The following GLUD1 variants were observed in gnomAD, a reference collection of about 807,000 sequenced individuals.
GLUD1 encodes glutamate dehydrogenase 1, mitochondrial.
A neutral mutation model predicts 56.0 loss-of-function variants in GLUD1; 22 were observed. The observed-to-expected ratio is 0.39, with a 90% CI of 0.28 to 0.56. GLUD1 has a LOEUF of 0.56. GLUD1 is among the 20% of genes least tolerant of loss of function. The probability of loss-of-function intolerance (pLI) is 0.58; values close to 1 mark genes in which losing one functional copy is unlikely to be tolerated. For missense variants in GLUD1, 451 were observed against 732.0 expected (o/e 0.62, Z 4.43); for synonymous variants, 223 against 269.9 (o/e 0.83, Z 1.70).
chr10:87,086,408 A>T (rs972755734), intron 1 of GLUD1, among the ~76,000 whole-genome samples: 1 of 152,032 alleles, frequency 6.6e-6, no homozygotes, highest in African/African-American at 2.4e-5. Flanking sequence ...CTTTCTTCAA[A>T]ATGTTTTATC....
At chr10:87,074,129 TAGTA>T (rs1846316595) in intron 4 of GLUD1, among the ~76,000 whole-genome samples, 1 of 152,024 alleles carries the variant, frequency 6.6e-6, no homozygotes, top group African/African-American at 2.4e-5. Context: ...ACACAGATAA[TAGTA>T]AGATACAAAA....
At chr10:87,059,063 G>T in intron 10 of GLUD1, 87 bp downstream of exon 10, 1 of 1,432,826 alleles carries the variant, frequency 7.0e-7, no homozygotes, top group South Asian at 1.2e-5. Flanking sequence ...CTTTCCCAAA[G>T]GGATCAGTTC....
chr10:87,058,018 G>A (rs569774490), intron 10 of GLUD1, among the ~76,000 whole-genome samples: 465 of 152,126 alleles, frequency 3.1e-3, no homozygotes, highest in Middle Eastern at 0.017. Context: ...ACAGGTGCGC[G>A]CCACCACGCC....
At chr10:87,067,115 C>T (rs1003644035) in intron 5 of GLUD1, among the ~76,000 whole-genome samples, 2 of 152,264 alleles carry the variant, frequency 1.3e-5, no homozygotes, top group Non-Finnish European at 2.9e-5. Context: ...GCCAGCACAG[C>T]TGGACACTGC....
rs1314469288 is a variant in GLUD1, at chr10:87,057,795, A to T, written c.1403-13T>A. 2 of 1,304,862 alleles carry T rather than the reference A, an allele frequency of 1.5e-6. No individual in the cohort carries two copies. The highest frequency in any genetic ancestry group is 1.1e-6 in the Non-Finnish European group (1 of 898,122). The allele number at this position is 1,304,862 out of a possible 1,614,324, so 80.8% of individuals were successfully genotyped here. A position where few individuals can be genotyped will look rare whatever the true frequency, so the allele number is the denominator to read the frequency against. ...TCTTGAACAGACACTACAAAAAAAT[A>T]ACAAGAGATCAAGATATTGCTAACA... is the stretch of plus-strand genomic sequence containing the variant. On this transcript the variant is annotated splice_polypyrimidine_tract_variant and intron_variant, in intron 10 of 12. Transcript: ENST00000277865.
intron 1 of GLUD1, chr10:87,091,677 A>G (rs1234184628): frequency 2.1e-6 from 1 of 470,212 alleles, no homozygotes; most frequent in Non-Finnish European, 2.8e-6. Flanking sequence ...TTACTTGGAA[A>G]AAGTACACAT....
intron 1 of GLUD1, among the ~76,000 whole-genome samples, chr10:87,083,525 A>G (rs1841311007): frequency 6.6e-6 from 1 of 152,334 alleles, no homozygotes; most frequent in East Asian, 1.9e-4. Context: ...TGATCTGAAT[A>G]TTGTCACTTT....
At chr10:87,074,661 T>A (rs1846335738) in intron 3 of GLUD1, 47 bp from the exon 4 acceptor site, 1 of 1,039,424 alleles carries the variant, frequency 9.6e-7, no homozygotes, top group African/African-American at 1.6e-5. Flanking sequence ...GATATAAAAA[T>A]CGCTTGAGAT....
intron 5 of GLUD1, among the ~76,000 whole-genome samples, chr10:87,064,982 T>A (rs906593459): frequency 3.3e-5 from 5 of 152,126 alleles, no homozygotes; most frequent in African/African-American, 1.2e-4. Context: ...TCAGTTCACA[T>A]CTAGAAATGA....
chr10:87,071,614 A>G (rs757252407), intron 4 of GLUD1, among the ~76,000 whole-genome samples: 1 of 152,220 alleles, frequency 6.6e-6, no homozygotes, highest in Admixed American at 6.5e-5. Context: ...ACACAGAGAT[A>G]TAAGGGGATG....
intron 1 of GLUD1, chr10:87,092,543 C>A: frequency 1.6e-6 from 1 of 609,248 alleles, no homozygotes; most frequent in Non-Finnish European, 2.1e-6. Flanking sequence ...AATATTTTGG[C>A]ATTAAAACTG....
chr10:87,062,328 C>T lies in GLUD1; in HGVS notation c.921+328G>A, dbSNP rs979140002. On this transcript the variant is annotated intron_variant, in intron 6 of 12. Coordinates refer to ENST00000277865, the MANE Select transcript of GLUD1 (RefSeq NM_005271.5). ...GTGTGTAAACCTTTCTATATACTTA[C>T]AAAACTTAGAAAATTATGTTAAGAG... 2.6e-5 allele frequency among the ~76,000 whole-genome samples: 4 copies of T among 152,318 alleles called. No homozygotes were observed. The East Asian group carries it at 7.7e-4, about 29-fold the overall frequency.
intron 8 of GLUD1, 93 bp downstream of exon 8, chr10:87,060,593 TAA>T: frequency 6.7e-7 from 1 of 1,485,528 alleles, no homozygotes. Flanking sequence ...ATAAAGCTGC[TAA>T]AAAGAAAGAG....
chr10:87,080,586 C>A (rs905331464), intron 1 of GLUD1, among the ~76,000 whole-genome samples: 1 of 151,578 alleles, frequency 6.6e-6, no homozygotes, highest in African/African-American at 2.4e-5. Flanking sequence ...GCCTTTGCCC[C>A]GCCGCCCCGT....
At chr10:87,074,845 T>C (rs1185113529) in intron 3 of GLUD1, among the ~76,000 whole-genome samples, 3 of 152,160 alleles carry the variant, frequency 2.0e-5, no homozygotes, top group African/African-American at 7.2e-5. Flanking sequence ...CCCATTCTAT[T>C]AATTCCCCAC....
intron 1 of GLUD1, among the ~76,000 whole-genome samples, chr10:87,079,919 T>TCCCC (rs1841163455): frequency 5.8e-5 from 1 of 17,154 alleles, no homozygotes; most frequent in Non-Finnish European, 1.2e-4. Context: ...CCCCTCCCCC[T>TCCCC]CTCCCTCCCC....
Position 87,060,014 on chromosome 10 carries a change from C to T in GLUD1, c.1278+147G>A. 8 of 656,136 alleles carry T rather than the reference C, an allele frequency of 1.2e-5. No individual in the cohort carries two copies. In the South Asian group the frequency reaches 1.4e-4, roughly 11 times the overall value. The allele number at this position is 656,136 out of a possible 1,614,324, so 40.6% of individuals were successfully genotyped here. A position where few individuals can be genotyped will look rare whatever the true frequency, so the allele number is the denominator to read the frequency against. On this transcript the variant is annotated intron_variant, in intron 9 of 12. Transcript: ENST00000277865. ...GAAAATTAACAGGCTTAGAATTAAC[C>T]ATGCTTCTACTATATTTTCTCAAAA...
At chr10:87,059,127 C>T (rs142635640) in intron 10 of GLUD1, 23 bp downstream of exon 10, 18,521 of 1,611,804 alleles carry the variant, frequency 0.011, 140 homozygotes, top group Non-Finnish European at 0.014. Flanking sequence ...TGAGTTTTGG[C>T]GAACAAGATT....
At chr10:87,062,941 G>A (rs1477074431) in intron 5 of GLUD1, 106 bp from the exon 6 acceptor site, 1 of 1,022,502 alleles carries the variant, frequency 9.8e-7, no homozygotes, top group Non-Finnish European at 1.5e-6. Context: ...TCAAAAATAT[G>A]CTAATTAGGA....
Sources: allele counts gnomAD v4.1 joint callset (sites outside exome capture counted in the v4.1 genomes callset), GRCh38; gene constraint gnomAD v4.1.1; transcripts MANE v1.5; gene names NCBI Gene and HGNC (gene_info 2026-07-23, HGNC 2026-07-21).